Variants in TBL1X observed in about 807,000 individuals in gnomAD.
The protein encoded by TBL1X is F-box-like/WD repeat-containing protein TBL1X.
A neutral mutation model predicts 50.7 loss-of-function variants in TBL1X; 10 were observed. The observed-to-expected ratio is 0.20, with a 90% CI of 0.12 to 0.33. The LOEUF (loss-of-function observed/expected upper bound fraction) is 0.33. TBL1X is among the 10% of genes least tolerant of loss of function. The pLI is 1.00. For synonymous variants in TBL1X, 190 were observed against 214.7 expected (o/e 0.88, Z 1.01); for missense variants, 340 against 504.4 (o/e 0.67, Z 3.12).
chrX:9,596,757 C>T (rs1335678385), intron 2 of TBL1X, among the ~76,000 whole-genome samples: 1 of 111,108 alleles, frequency 9.0e-6, no homozygotes, highest in African/African-American at 3.3e-5. Flanking sequence ...AGGGGAGGGA[C>T]GTGACTCCTG....
chrX:9,601,456 C>T (rs1292538897), intron 2 of TBL1X, among the ~76,000 whole-genome samples: 4 of 111,720 alleles, frequency 3.6e-5, no homozygotes, highest in African/African-American at 1.3e-4. Context: ...TGCTTGCCTG[C>T]TCCTGGAAGC....
intron 2 of TBL1X, among the ~76,000 whole-genome samples, chrX:9,593,563 G>A (rs755348378): frequency 9.1e-6 from 1 of 110,392 alleles, no homozygotes; most frequent in African/African-American, 3.3e-5. Flanking sequence ...ATGAGGTCTA[G>A]GGCCAGGTGG....
At chrX:9,587,442 A>T (rs753628337) in intron 2 of TBL1X, among the ~76,000 whole-genome samples, 2 of 111,711 alleles carry the variant, frequency 1.8e-5, no homozygotes, top group Non-Finnish European at 3.8e-5. Context: ...TGCCGAGTTC[A>T]CATTATTTGC....
intron 2 of TBL1X, among the ~76,000 whole-genome samples, chrX:9,576,386 C>T (rs1384515647): frequency 8.9e-6 from 1 of 112,430 alleles, no homozygotes; most frequent in East Asian, 2.8e-4. Flanking sequence ...CCAGACCACA[C>T]CCATCGGGAG....
intron 2 of TBL1X, among the ~76,000 whole-genome samples, chrX:9,625,197 C>G (rs1023283208): frequency 2.7e-5 from 3 of 112,448 alleles, no homozygotes; most frequent in African/African-American, 9.7e-5. Flanking sequence ...ATAAAAGTTT[C>G]ATCTTGCTTT....
intron 2 of TBL1X, among the ~76,000 whole-genome samples, chrX:9,535,807 T>C: frequency 8.9e-6 from 1 of 112,227 alleles, no homozygotes; most frequent in Non-Finnish European, 1.9e-5. Context: ...GTTTTTAAAA[T>C]GGAATTAGTG....
intron 2 of TBL1X, among the ~76,000 whole-genome samples, chrX:9,532,669 G>A (rs908052718): frequency 9.0e-6 from 1 of 111,204 alleles, no homozygotes; most frequent in African/African-American, 3.3e-5. Flanking sequence ...GGTCAGCAGG[G>A]TTGGTTCCTC....
intron 6 of TBL1X, among the ~76,000 whole-genome samples, chrX:9,687,253 A>G (rs1411277898): frequency 8.9e-6 from 1 of 112,392 alleles, no homozygotes; most frequent in Non-Finnish European, 1.9e-5. Context: ...TCAAAACAAA[A>G]TGATGTCAAT....
chrX:9,530,779 C>A (rs752601654), intron 2 of TBL1X, among the ~76,000 whole-genome samples: 23 of 112,124 alleles, frequency 2.1e-4, no homozygotes, highest in African/African-American at 7.5e-4. Context: ...GAAAATGTTT[C>A]TGGATTTTTT....
At position 9,688,079 on chromosome X, in the gene TBL1X, C is replaced by T. The variant is rs749792949; in HGVS notation, c.420C>T (p.Pro140=). The T allele has an allele frequency of 1.3e-5, 16 of 1,209,886 alleles. No individual in the cohort carries two copies. The highest frequency in any genetic ancestry group is 1.7e-5 in the Non-Finnish European group (15 of 895,038). ...ESLSLIDAVM[P]DVVQTRQQAF... ...TGTCACTGATAGACGCCGTGATGCC[C>T]GACGTGGTGCAGACGCGGCAGCAGG... Residue 140 remains proline, a synonymous_variant, in exon 7 of 18, where the codon CCC becomes CCT. Transcript: ENST00000645353.
intron 2 of TBL1X, chrX:9,531,170 T>G (rs1279393966): frequency 1.8e-5 from 2 of 110,773 alleles, no homozygotes; most frequent in Admixed American, 1.9e-4. Context: ...TTAAATTCCC[T>G]GCATTCCCTA....
chrX:9,701,487 T>C (rs1271225878), intron 12 of TBL1X, among the ~76,000 whole-genome samples: 1 of 105,735 alleles, frequency 9.5e-6, no homozygotes, highest in African/African-American at 3.5e-5. Flanking sequence ...TCCAGTCTTT[T>C]GGTTTCCCTG....
At chrX:9,671,933 C>T (rs912316710) in intron 5 of TBL1X, among the ~76,000 whole-genome samples, 2 of 112,667 alleles carry the variant, frequency 1.8e-5, no homozygotes, top group South Asian at 3.7e-4. Flanking sequence ...ATTCCACTCT[C>T]CTGGTTCCAG....
intron 2 of TBL1X, among the ~76,000 whole-genome samples, chrX:9,605,872 C>T (rs185773145): frequency 4.5e-4 from 51 of 112,245 alleles, no homozygotes; most frequent in African/African-American, 1.6e-3. Flanking sequence ...GTTTCTGTGC[C>T]ACATTTCTCT....
At chrX:9,526,236 T>A (rs1181316331) in intron 2 of TBL1X, among the ~76,000 whole-genome samples, 1 of 111,693 alleles carries the variant, frequency 9.0e-6, no homozygotes, top group Non-Finnish European at 1.9e-5. Flanking sequence ...AGTCTGGCTC[T>A]CTGAGCTTTA....
At chrX:9,506,169 G>A (rs749343754) in intron 2 of TBL1X, among the ~76,000 whole-genome samples, 14 of 111,836 alleles carry the variant, frequency 1.3e-4, no homozygotes, top group South Asian at 1.1e-3. Context: ...ACATAATTTC[G>A]TGGAAATTGA....
intron 3 of TBL1X, among the ~76,000 whole-genome samples, chrX:9,651,389 C>T (rs926288492): frequency 6.3e-5 from 7 of 111,804 alleles, no homozygotes; most frequent in Non-Finnish European, 1.3e-4. Flanking sequence ...CCTAGTAACC[C>T]TTCGTAGCAA....
intron 2 of TBL1X, among the ~76,000 whole-genome samples, chrX:9,586,873 C>A: frequency 8.9e-6 from 1 of 111,975 alleles, no homozygotes; most frequent in Non-Finnish European, 1.9e-5. Context: ...GCACTCCAGC[C>A]TGGGTGACAG....
At chrX:9,581,366 G>T (rs2082440634) in intron 2 of TBL1X, among the ~76,000 whole-genome samples, 1 of 111,747 alleles carries the variant, frequency 8.9e-6, no homozygotes, top group South Asian at 3.8e-4. Flanking sequence ...AATGGTAGGG[G>T]GAAGAGTTCA....
Sources: gnomAD v4.1 joint callset for allele counts (sites outside exome capture counted in the v4.1 genomes callset) on GRCh38, gnomAD v4.1.1 for gene constraint, MANE v1.5 for transcripts, NCBI Gene and HGNC (gene_info 2026-07-23, HGNC 2026-07-21) for gene names.